YWHAG: variants seen among roughly 807,000 people sequenced by gnomAD.
YWHAG encodes the protein tyrosine 3-monooxygenase/tryptophan 5-monooxygenase activation protein gamma, also known as 14-3-3 protein gamma.
In YWHAG, 1 loss-of-function variant was observed where a neutral mutation model predicts 23.3. That is an observed-to-expected ratio of 0.04 (90% CI 0.02 to 0.20). YWHAG has a LOEUF of 0.20. YWHAG is among the 10% of genes least tolerant of loss of function. YWHAG has a pLI of 1.00. For missense variants in YWHAG, 151 were observed against 338.6 expected (o/e 0.45, Z 4.35); for synonymous variants, 160 against 144.0 (o/e 1.11, Z -0.80).
Position 76,329,547 on chromosome 7 carries a change from T to A in YWHAG, c.*30A>T. The A allele has an allele frequency of 7.5e-7, 1 of 1,328,850 alleles. No individual in the cohort carries two copies. The highest frequency in any genetic ancestry group is 1.0e-6 in the Non-Finnish European group (1 of 1,003,322). 82.3% of individuals were successfully genotyped at this position (1,328,850 alleles called of 1,614,324 possible). ...AAAAATAAAGACTGCAGTAGTAGCATCCGCGTGCGCTGCCAGTTCCCCTGG... is the reference window on the plus strand; with the variant it reads ...AAAAATAAAGACTGCAGTAGTAGCAACCGCGTGCGCTGCCAGTTCCCCTGG... On this transcript the variant is annotated 3_prime_UTR_variant, in exon 2 of 2. Coordinates refer to ENST00000307630, the MANE Select transcript of YWHAG (RefSeq NM_012479.4). This position sits in a 1 kb window ranked among gnomAD's most constrained non-coding sequence, Gnocchi z 6.1.
chr7:76,339,552 G>A (rs1476810533), intron 1 of YWHAG, among the ~76,000 whole-genome samples: 7 of 152,046 alleles, frequency 4.6e-5, no homozygotes, highest in South Asian at 2.1e-4. Context: ...ACCTTTATAC[G>A]GTTAGTAATA....
rs1803452860 is a variant in YWHAG at position 76,327,036 on chromosome 7, A to G, written c.*2541T>C. The G allele has an allele frequency of 1.3e-5, 2 of 152,674 alleles. No homozygotes were observed. The highest frequency in any genetic ancestry group is 1.3e-4 in the Admixed American group (2 of 15,280). 9.5% of individuals were successfully genotyped at this position (152,674 alleles called of 1,614,324 possible). On this transcript the variant is annotated 3_prime_UTR_variant, in exon 2 of 2. Transcript: ENST00000307630. ...ATTTGTTGTTCTCCAACACTGTAAT[A>G]GTTATAATTTCACCATGACAAACAC...
chr7:76,349,324 G>A (rs1420366702), intron 1 of YWHAG, among the ~76,000 whole-genome samples: 1 of 142,454 alleles, frequency 7.0e-6, no homozygotes, highest in Non-Finnish European at 1.5e-5. Context: ...GGGCGACAGA[G>A]CAGACTCTGT....
intron 1 of YWHAG, among the ~76,000 whole-genome samples, chr7:76,343,959 C>T (rs145204199): frequency 1.8e-4 from 28 of 152,240 alleles, no homozygotes; most frequent in African/African-American, 6.3e-4. Flanking sequence ...AACTGACTTA[C>T]GAAAAGCAAA....
At position 76,327,686 on chromosome 7, in the gene YWHAG, C is replaced by CCCCCCCCCCCCCCCG. The variant is rs1803468436; in HGVS notation, c.*1890_*1891insCGGGGGGGGGGGGGG. ...CTACCCTGCCCCCCCCCCCCTCCCC[C>CCCCCCCCCCCCCCCG]CCCAAATCGTCTTCCTCCCATGGCA... On this transcript the variant is annotated 3_prime_UTR_variant, in exon 2 of 2. Transcript: ENST00000307630. The CCCCCCCCCCCCCCCG allele has an allele frequency of 8.5e-6, 1 of 116,976 alleles. No individual in the cohort carries two copies. The highest frequency in any genetic ancestry group is 1.8e-5 in the Non-Finnish European group (1 of 55,384). 7.2% of individuals were successfully genotyped at this position (116,976 alleles called of 1,614,324 possible).
chr7:76,358,391 C>A (rs1374775866), intron 1 of YWHAG, among the ~76,000 whole-genome samples: 1 of 152,174 alleles, frequency 6.6e-6, no homozygotes, highest in Non-Finnish European at 1.5e-5. Context: ...ACAAAGGATG[C>A]GCACGCCTCC....
intron 1 of YWHAG, among the ~76,000 whole-genome samples, chr7:76,350,226 G>A (rs1462636271): frequency 1.3e-5 from 2 of 152,148 alleles, no homozygotes; most frequent in African/African-American, 4.8e-5. Flanking sequence ...AGCTGGCATC[G>A]AGCCTACCCC....
intron 1 of YWHAG, among the ~76,000 whole-genome samples, chr7:76,336,478 C>CA (rs760989307): frequency 8.1e-6 from 1 of 122,858 alleles, no homozygotes; most frequent in Non-Finnish European, 1.6e-5. Flanking sequence ...TTTTCTGAGA[C>CA]AGAGTTTCAC....
chr7:76,339,244 C>T (rs568746206), intron 1 of YWHAG, among the ~76,000 whole-genome samples: 4 of 151,368 alleles, frequency 2.6e-5, no homozygotes, highest in South Asian at 2.1e-4. Flanking sequence ...CCAAGGTGGG[C>T]GGATCACCTG....
intron 1 of YWHAG, among the ~76,000 whole-genome samples, chr7:76,335,952 C>T (rs752631350): frequency 8.6e-5 from 13 of 151,976 alleles, no homozygotes; most frequent in Non-Finnish European, 1.5e-4. Flanking sequence ...GTCCGCACCC[C>T]CACCACACCC....
At chr7:76,336,603 C>T (rs1417823094) in intron 1 of YWHAG, among the ~76,000 whole-genome samples, 2 of 151,810 alleles carry the variant, frequency 1.3e-5, no homozygotes, top group African/African-American at 4.8e-5. Context: ...TACAGGCACC[C>T]ACCACCACGC....
At chr7:76,338,099 A>C (rs1803641519) in intron 1 of YWHAG, among the ~76,000 whole-genome samples, 1 of 152,184 alleles carries the variant, frequency 6.6e-6, no homozygotes, top group African/African-American at 2.4e-5. Flanking sequence ...CACAACGTGA[A>C]GACACAAAAC....
At chr7:76,356,061 GT>G (rs546750173) in intron 1 of YWHAG, among the ~76,000 whole-genome samples, 1 of 152,190 alleles carries the variant, frequency 6.6e-6, no homozygotes, top group African/African-American at 2.4e-5. Flanking sequence ...TCCCAATAGT[GT>G]TAGCACTAGG....
Position 76,358,914 on chromosome 7 carries a change from G to A in YWHAG, c.-106C>T, listed in dbSNP as rs1804007338. The A allele has an allele frequency of 9.1e-7, 1 of 1,098,440 alleles. No individual in the cohort carries two copies. Among genetic ancestry groups the A allele is most frequent in the South Asian group, 1.9e-5 (1 of 51,540 alleles). The allele number at this position is 1,098,440 out of a possible 1,614,324, so 68.0% of individuals were successfully genotyped here. ...AAGTGCCGGAGAGGACCGACCCACA[G>A]AGCGAGCAGCTGAGGCGGCGGCTGC... On this transcript the variant is annotated 5_prime_UTR_variant, in exon 1 of 2. Transcript: ENST00000307630.
At position 76,331,648 on chromosome 7, in the gene YWHAG, C is replaced by T. The variant is rs150321754; in HGVS notation, c.88-1415G>A. Among the ~76,000 whole-genome samples the T allele has an allele frequency of 2.3e-3, 357 of 151,960 alleles. 4 individuals carry two copies. The highest frequency in any genetic ancestry group is 8.1e-3 in the African/African-American group (336 of 41,408). On this transcript the variant is annotated intron_variant, in intron 1 of 1. Coordinates refer to ENST00000307630, the MANE Select transcript of YWHAG (RefSeq NM_012479.4). ...CCCAGGGAAGCCAAAAGACTGGACACCCCTGTACTAAACTCCTGGGGCATG... is the reference window on the plus strand; with the variant it reads ...CCCAGGGAAGCCAAAAGACTGGACATCCCTGTACTAAACTCCTGGGGCATG...
chr7:76,330,745 G>A (rs909879856), intron 1 of YWHAG, among the ~76,000 whole-genome samples: 1 of 152,216 alleles, frequency 6.6e-6, no homozygotes, highest in African/African-American at 2.4e-5. Context: ...AAGGGGCATA[G>A]GATTGAGTCT....
rs1221900748 is a variant in YWHAG at position 76,327,684 on chromosome 7, C to T, written c.*1893G>A. ...ACCTACCCTGCCCCCCCCCCCCTCCCCCCCCAAATCGTCTTCCTCCCATGG... is the reference window on the plus strand; with the variant it reads ...ACCTACCCTGCCCCCCCCCCCCTCCTCCCCCAAATCGTCTTCCTCCCATGG... On this transcript the variant is annotated 3_prime_UTR_variant, in exon 2 of 2. Coordinates refer to ENST00000307630, the MANE Select transcript of YWHAG (RefSeq NM_012479.4). The T allele has an allele frequency of 1.7e-5, 2 of 116,492 alleles. No homozygotes were observed. Among genetic ancestry groups the T allele is most frequent in the African/African-American group, 6.8e-5 (2 of 29,212 alleles). The allele number at this position is 116,492 out of a possible 1,614,324, so 7.2% of individuals were successfully genotyped here. A position where few individuals can be genotyped will look rare whatever the true frequency, so the allele number is the denominator to read the frequency against.
At chr7:76,354,686 A>C (rs1156460531) in intron 1 of YWHAG, among the ~76,000 whole-genome samples, 2 of 152,174 alleles carry the variant, frequency 1.3e-5, no homozygotes, top group Non-Finnish European at 2.9e-5. Context: ...CTCATGCTGC[A>C]GGAGCTCCCC....
At chr7:76,351,953 G>A (rs1345801119) in intron 1 of YWHAG, among the ~76,000 whole-genome samples, 6 of 152,082 alleles carry the variant, frequency 3.9e-5, no homozygotes, top group African/African-American at 1.4e-4. Flanking sequence ...CAAAAAGGTT[G>A]GGGACCACTG....
Sources: gnomAD v4.1 joint callset for allele counts (sites outside exome capture counted in the v4.1 genomes callset) on GRCh38, gnomAD v4.1.1 for gene constraint, Gnocchi (gnomAD v3.1) non-coding constraint, MANE v1.5 for transcripts, NCBI Gene and HGNC (gene_info 2026-07-23, HGNC 2026-07-21) for gene names.